The following FOXJ2 variants were observed in gnomAD, a reference collection of about 807,000 sequenced individuals.
The protein encoded by FOXJ2 is forkhead box J2.
FOXJ2 carries 18 observed loss-of-function variants against 68.4 expected under a neutral mutation model. That is an observed-to-expected ratio of 0.26 (90% CI 0.18 to 0.39). FOXJ2 has a LOEUF of 0.39. Ranked by LOEUF, FOXJ2 falls within the 10% of genes least tolerant of loss-of-function variation. The pLI is 1.00. For synonymous variants in FOXJ2, 274 were observed against 263.2 expected (o/e 1.04, Z -0.40); for missense variants, 670 against 726.5 (o/e 0.92, Z 0.89).
intron 1 of FOXJ2, among the ~76,000 whole-genome samples, chr12:8,036,796 A>G (rs1462255557): frequency 1.3e-5 from 2 of 152,146 alleles, no homozygotes; most frequent in African/African-American, 2.4e-5. Context: ...AGGCATCAAG[A>G]CTTCACTGGG....
chr12:8,051,011 T>C, intron 10 of FOXJ2, among the ~76,000 whole-genome samples: 1 of 117,506 alleles, frequency 8.5e-6, no homozygotes, highest in Admixed American at 8.6e-5. Context: ...TCCTTCCCCT[T>C]CCCTTTCCCT....
chr12:8,051,029 C>G (rs1163502134), intron 10 of FOXJ2, among the ~76,000 whole-genome samples: 1 of 129,388 alleles, frequency 7.7e-6, no homozygotes, highest in Non-Finnish European at 1.7e-5. Context: ...CCTTCCCTTC[C>G]CTTTCCTTCC....
At chr12:8,037,661 A>T (rs1456681129) in intron 1 of FOXJ2, among the ~76,000 whole-genome samples, 1 of 152,168 alleles carries the variant, frequency 6.6e-6, no homozygotes, top group East Asian at 1.9e-4. Flanking sequence ...CTTTAGAAGG[A>T]GATAAATAGG....
Position 8,049,370 on chromosome 12 carries a change from G to A in FOXJ2, c.1336G>A (p.Glu446Lys), listed in dbSNP as rs771930838. Reference protein sequence around the residue: ...IEQSQFSELMESLRQAEQKNW... With the variant: ...IEQSQFSELMKSLRQAEQKNW... ...TGCTTCCCTCTTTGTAGAACTGATG[G>A]AGAGTCTACGACAGGCAGAGCAGAA... Residue 446 changes from glutamate (E) to lysine (K), a missense_variant, in exon 9 of 11, where the codon GAG (glutamate) becomes AAG (lysine). Physicochemically the swap from Glu to Lys is moderately conservative, Grantham distance 56. Transcript: ENST00000162391. 9.3e-6 allele frequency: 15 copies of A among 1,611,434 alleles called. No homozygotes were observed. Among genetic ancestry groups the A allele is most frequent in the Non-Finnish European group, 1.3e-5 (15 of 1,178,244 alleles).
chr12:8,046,342 A>G (rs778683910), intron 6 of FOXJ2, among the ~76,000 whole-genome samples: 3 of 152,176 alleles, frequency 2.0e-5, no homozygotes, highest in Admixed American at 6.5e-5. Flanking sequence ...CCTGTGTTCC[A>G]TCCCCCAACT....
chr12:8,052,014 G>A (rs748915649), intron 10 of FOXJ2, among the ~76,000 whole-genome samples: 4 of 150,922 alleles, frequency 2.7e-5, no homozygotes, highest in African/African-American at 9.8e-5. Flanking sequence ...GATCACAGGC[G>A]CCCGCCACTG....
intron 3 of FOXJ2, 148 bp from the exon 4 acceptor site, chr12:8,043,553 C>T: frequency 4.0e-6 from 3 of 754,548 alleles, no homozygotes; most frequent in South Asian, 3.3e-5. Context: ...CCCTCCAAAA[C>T]AATCGAGGCC....
rs1565630929 is a variant in FOXJ2, at chr12:8,049,527, CCTG to C, written c.1494_1496del (p.Cys499del). Reference sequence around the variant, plus strand: ...CCAGCCCCTGCCCGTATTGCTGACTCCTGTGCCCTCACCAGTGGCAAACAGGAG... The same window carrying C: ...CCAGCCCCTGCCCGTATTGCTGACTCTGCCCTCACCAGTGGCAAACAGGAG... On this transcript the variant is annotated inframe_deletion, in exon 9 of 11. Transcript: ENST00000162391. 1 of 1,613,156 alleles carries C rather than the reference CCTG, an allele frequency of 6.2e-7. No individual in the cohort carries two copies. Among genetic ancestry groups the C allele is most frequent in the East Asian group, 2.2e-5 (1 of 44,856 alleles).
In FOXJ2 at chr12:8,047,436, C is replaced by T. The variant is rs184115040; in HGVS notation, c.818-446C>T. ...TGCACTCCAGCCTGGGCAACAAGAGCGAAACTCTGTCTCAAAAAACAAAAA... is the reference window on the plus strand; with the variant it reads ...TGCACTCCAGCCTGGGCAACAAGAGTGAAACTCTGTCTCAAAAAACAAAAA... On this transcript the variant is annotated intron_variant, in intron 6 of 10. Coordinates refer to ENST00000162391, the MANE Select transcript of FOXJ2 (RefSeq NM_018416.3). Among the ~76,000 whole-genome samples the T allele has an allele frequency of 1.9e-3, 293 of 151,768 alleles. 5 individuals are homozygous for T. The highest frequency in any genetic ancestry group is 0.014 in the East Asian group (72 of 5,166).
intron 7 of FOXJ2, 46 bp downstream of exon 7, chr12:8,048,335 G>A: frequency 6.6e-7 from 1 of 1,509,184 alleles, no homozygotes; most frequent in Non-Finnish European, 8.9e-7. Flanking sequence ...GTGGGGTGAT[G>A]TCCTTGTCCT....
chr12:8,052,680 TG>T, intron 10 of FOXJ2, 81 bp from the exon 11 acceptor site: 1 of 1,213,472 alleles, frequency 8.2e-7, no homozygotes, highest in Non-Finnish European at 1.2e-6. Flanking sequence ...TGGTGTTATC[TG>T]GGGCTGAGCA....
chr12:8,047,228 G>A (rs1323759539), intron 6 of FOXJ2, among the ~76,000 whole-genome samples: 2 of 152,124 alleles, frequency 1.3e-5, no homozygotes, highest in South Asian at 2.1e-4. Context: ...CAAAGTGGGC[G>A]GATCACCTGA....
rs1947012948 is a variant in FOXJ2 at position 8,044,839 on chromosome 12, A to G, written c.698A>G (p.Tyr233Cys). ...AGTGCTGAGGGTCCCCCTCCCCTCT[A>G]TAACACCAACCATGACTTTAAATTC... Reference protein sequence around the residue: ...RESAEGPPPLYNTNHDFKFSY... With the variant: ...RESAEGPPPLCNTNHDFKFSY... The change falls in exon 6 of 11, where the codon TAT becomes TGT. Residue 233 changes from tyrosine to cysteine, a missense_variant. Physicochemically the swap from Tyr to Cys is radical, Grantham distance 194. Coordinates refer to ENST00000162391, the MANE Select transcript of FOXJ2 (RefSeq NM_018416.3). The G allele has an allele frequency of 7.4e-6, 12 of 1,613,888 alleles. No individual in the cohort carries two copies. Among genetic ancestry groups the G allele is most frequent in the East Asian group, 2.2e-5 (1 of 44,878 alleles).
At chr12:8,046,469 A>G (rs1947037675) in intron 6 of FOXJ2, among the ~76,000 whole-genome samples, 1 of 152,222 alleles carries the variant, frequency 6.6e-6, no homozygotes, top group Non-Finnish European at 1.5e-5. Context: ...TACAACTTCG[A>G]TATACACCTC....
At position 8,038,145 on chromosome 12, in the gene FOXJ2, G is replaced by A. The variant is rs1378840947; in HGVS notation, c.-14-1674G>A. ...TTCAGCCTTGTGGAGTGAGTGTGTT[G>A]CTGGTTAGGAGCTGGGTACTTGTGC... On this transcript the variant is annotated intron_variant, in intron 1 of 10. Coordinates refer to ENST00000162391, the MANE Select transcript of FOXJ2 (RefSeq NM_018416.3). This position sits in a 1 kb window ranked among gnomAD's most constrained non-coding sequence, Gnocchi z 5.3. Among the ~76,000 whole-genome samples the A allele has an allele frequency of 6.6e-6, 1 of 152,174 alleles. No homozygotes were observed. The highest frequency in any genetic ancestry group is 1.5e-5 in the Non-Finnish European group (1 of 68,032).
rs954930788 is a variant in FOXJ2 at position 8,050,281 on chromosome 12, T to C, written c.1538-241T>C. ...ATGAGCCACCATACCTGGCCCTGTG[T>C]TTCTATATTTTTCTTCCTTATATCT... On this transcript the variant is annotated intron_variant, in intron 9 of 10. Coordinates refer to ENST00000162391, the MANE Select transcript of FOXJ2 (RefSeq NM_018416.3). 1.2e-5 allele frequency: 15 copies of C among 1,226,738 alleles called. No homozygotes were observed. In the African/African-American group the frequency reaches 2.2e-4, roughly 18 times the overall value. 76.0% of individuals were successfully genotyped at this position (1,226,738 alleles called of 1,614,324 possible). A position where few individuals can be genotyped will look rare whatever the true frequency, so the allele number is the denominator to read the frequency against.
chr12:8,045,743 C>T lies in FOXJ2; in HGVS notation c.817+785C>T, dbSNP rs752376145. ...CGCGATCTCGGCTCACTGCAACCTTCGCCTCCCAGGTTCAAGCAATTCTTC... is the reference window on the plus strand; with the variant it reads ...CGCGATCTCGGCTCACTGCAACCTTTGCCTCCCAGGTTCAAGCAATTCTTC... On this transcript the variant is annotated intron_variant, in intron 6 of 10. Coordinates refer to ENST00000162391, the MANE Select transcript of FOXJ2 (RefSeq NM_018416.3). Among the ~76,000 whole-genome samples the T allele has an allele frequency of 1.3e-4, 20 of 152,170 alleles. No homozygotes were observed. In the South Asian group the frequency reaches 3.3e-3, roughly 25 times the overall value.
chr12:8,040,093 G>A lies in FOXJ2; in HGVS notation c.261G>A (p.Met87Ile). 1 of 1,614,168 alleles carries A rather than the reference G, an allele frequency of 6.2e-7. No individual in the cohort carries two copies. Among genetic ancestry groups the A allele is most frequent in the Non-Finnish European group, 8.5e-7 (1 of 1,180,034 alleles). ...YAINSSPAKK[M>I]TLSEIYRWIC... ...TCAACTCCTCTCCAGCCAAGAAGATGACCCTCAGCGAGATTTACCGCTGGA... is the reference window on the plus strand; with the variant it reads ...TCAACTCCTCTCCAGCCAAGAAGATAACCCTCAGCGAGATTTACCGCTGGA... The change falls in exon 2 of 11, where the codon ATG becomes ATA. Residue 87 changes from methionine (M) to isoleucine (I), a missense_variant. Transcript: ENST00000162391. This position sits in a 1 kb window ranked among gnomAD's most constrained non-coding sequence, Gnocchi z 4.0.
At chr12:8,052,596 C>A (rs111824854) in intron 10 of FOXJ2, among the ~76,000 whole-genome samples, 166 bp from the exon 11 acceptor site, 2 of 152,262 alleles carry the variant, frequency 1.3e-5, no homozygotes, top group African/African-American at 4.8e-5. Flanking sequence ...TTCCTGAGAC[C>A]TCACTGAAAT....
Sources: gnomAD v4.1 joint callset for allele counts (sites outside exome capture counted in the v4.1 genomes callset) on GRCh38, gnomAD v4.1.1 for gene constraint, Gnocchi (gnomAD v3.1) non-coding constraint, MANE v1.5 for transcripts, NCBI Gene and HGNC (gene_info 2026-07-23, HGNC 2026-07-21) for gene names.